The following IL17RD variants were observed in gnomAD, a reference collection of about 807,000 sequenced individuals.
The protein encoded by IL17RD is interleukin-17 receptor D.
In IL17RD, 52 loss-of-function variants were observed where a neutral mutation model predicts 80.5. That is an observed-to-expected ratio of 0.65 (90% CI 0.52 to 0.81). The LOEUF is 0.81. Ranked by LOEUF, IL17RD falls within the 40% of genes least tolerant of loss-of-function variation. The pLI, the probability that IL17RD is intolerant of heterozygous loss-of-function variation, is 0.00. For synonymous variants in IL17RD, 416 were observed against 391.8 expected (o/e 1.06, Z -0.73); for missense variants, 1,024 against 955.1 (o/e 1.07, Z -0.95).
At chr3:57,113,161 C>T (rs1707135648) in intron 3 of IL17RD, among the ~76,000 whole-genome samples, 5 of 152,222 alleles carry the variant, frequency 3.3e-5, no homozygotes, top group Admixed American at 3.3e-4. Flanking sequence ...AGAGGACAAG[C>T]AGATTTAGCC....
At chr3:57,143,368 A>G (rs552052640) in intron 1 of IL17RD, among the ~76,000 whole-genome samples, 1 of 152,274 alleles carries the variant, frequency 6.6e-6, no homozygotes, top group South Asian at 2.1e-4. Flanking sequence ...GGCTACGACA[A>G]TCTCAACAAA....
intron 1 of IL17RD, among the ~76,000 whole-genome samples, chr3:57,156,059 C>T (rs2060264998): frequency 6.6e-6 from 1 of 152,216 alleles, no homozygotes; most frequent in Admixed American, 6.5e-5. Flanking sequence ...ATGTGCCAGG[C>T]ACTGTTCTCG....
chr3:57,134,411 C>A (rs1004350519), intron 1 of IL17RD: 4 of 723,288 alleles, frequency 5.5e-6, no homozygotes, highest in Non-Finnish European at 1.0e-5. Flanking sequence ...TGCCAGGGAA[C>A]GTAACTTGGA....
At chr3:57,133,304 G>A (rs1707652507) in intron 1 of IL17RD, among the ~76,000 whole-genome samples, 1 of 152,182 alleles carries the variant, frequency 6.6e-6, no homozygotes, top group African/African-American at 2.4e-5. Context: ...CTACTATTTG[G>A]ATGGAAGCCA....
chr3:57,109,860 C>T (rs904964658), intron 4 of IL17RD, among the ~76,000 whole-genome samples: 1 of 152,240 alleles, frequency 6.6e-6, no homozygotes, highest in African/African-American at 2.4e-5. Context: ...ACAATGCGGT[C>T]TGTTTTTTGG....
chr3:57,153,533 T>C (rs1302509972), intron 1 of IL17RD, among the ~76,000 whole-genome samples: 1 of 152,196 alleles, frequency 6.6e-6, no homozygotes, highest in Non-Finnish European at 1.5e-5. Flanking sequence ...CAAAAAGCAA[T>C]GAGTGACCCT....
chr3:57,116,844 T>G (rs541635172), intron 2 of IL17RD, among the ~76,000 whole-genome samples: 13 of 149,778 alleles, frequency 8.7e-5, no homozygotes, highest in Non-Finnish European at 1.9e-4. Context: ...GAATCAGAGG[T>G]ATTCAGCCTG....
At chr3:57,100,063 T>C (rs1362581810) in intron 11 of IL17RD, among the ~76,000 whole-genome samples, 1 of 152,236 alleles carries the variant, frequency 6.6e-6, no homozygotes, top group Non-Finnish European at 1.5e-5. Context: ...TTTATCATCC[T>C]TTTCTAGTTC....
chr3:57,118,629 C>A (rs1034612374), intron 2 of IL17RD, among the ~76,000 whole-genome samples: 2 of 152,012 alleles, frequency 1.3e-5, no homozygotes, highest in Non-Finnish European at 2.9e-5. Flanking sequence ...AGAAAAAGCA[C>A]CCCCCACATG....
intron 1 of IL17RD, among the ~76,000 whole-genome samples, chr3:57,142,936 ATC>A (rs1707858106): frequency 2.0e-5 from 3 of 152,202 alleles, no homozygotes; most frequent in Admixed American, 2.0e-4. Context: ...GATTTAAATA[ATC>A]TGTTATAAAG....
chr3:57,154,308 ACAC>A (rs904908991), intron 1 of IL17RD, among the ~76,000 whole-genome samples: 1 of 150,084 alleles, frequency 6.7e-6, no homozygotes, highest in African/African-American at 2.4e-5. Flanking sequence ...ACACATACAT[ACAC>A]GTCATAAATC....
At chr3:57,100,746 G>A (rs1365804394) in intron 11 of IL17RD, among the ~76,000 whole-genome samples, 1 of 152,124 alleles carries the variant, frequency 6.6e-6, no homozygotes, top group Non-Finnish European at 1.5e-5. Flanking sequence ...CTTCTCAGCA[G>A]AACTCCTCCA....
intron 10 of IL17RD, 131 bp downstream of exon 10, chr3:57,102,348 T>A (rs1378975838): frequency 4.6e-6 from 2 of 432,440 alleles, no homozygotes; most frequent in African/African-American, 4.0e-5. Flanking sequence ...TTCTGGGAAC[T>A]GAATAGTAGG....
chr3:57,137,579 T>C (rs1707753452), intron 1 of IL17RD, among the ~76,000 whole-genome samples: 1 of 152,200 alleles, frequency 6.6e-6, no homozygotes, highest in Non-Finnish European at 1.5e-5. Flanking sequence ...GTGACACTTA[T>C]AAAACAGAAG....
At chr3:57,108,078 G>C (rs984071175) in intron 5 of IL17RD, among the ~76,000 whole-genome samples, 1 of 142,550 alleles carries the variant, frequency 7.0e-6, no homozygotes, top group African/African-American at 2.6e-5. Flanking sequence ...TTTTCTTTTT[G>C]AGATGGAGTC....
At chr3:57,166,296 C>G (rs1341716642), upstream of IL17RD, among the ~76,000 whole-genome samples, 2 of 152,156 alleles carry the variant, frequency 1.3e-5, no homozygotes. Flanking sequence ...GACTTTGTCC[C>G]CGTGTCCGAT....
chr3:57,146,611 G>A (rs962955736), intron 1 of IL17RD, among the ~76,000 whole-genome samples: 3 of 151,628 alleles, frequency 2.0e-5, no homozygotes, highest in African/African-American at 7.3e-5. Context: ...TTAGCTGAGC[G>A]TGATGGTGCA....
intron 2 of IL17RD, among the ~76,000 whole-genome samples, chr3:57,116,409 G>A (rs1003946804): frequency 1.3e-5 from 2 of 150,352 alleles, no homozygotes; most frequent in African/African-American, 2.5e-5. Context: ...TCAGCCTCCC[G>A]AGTAGCTGGG....
At chr3:57,096,527 G>A in intron 12 of IL17RD, 22 bp from the exon 13 acceptor site, 1 of 1,473,702 alleles carries the variant, frequency 6.8e-7, no homozygotes, top group Non-Finnish European at 9.5e-7. Flanking sequence ...AGAGAGTACA[G>A]AGTCACACTG....
Sources: gnomAD v4.1 joint callset for allele counts (sites outside exome capture counted in the v4.1 genomes callset) on GRCh38, gnomAD v4.1.1 for gene constraint, MANE v1.5 for transcripts, NCBI Gene and HGNC (gene_info 2026-07-23, HGNC 2026-07-21) for gene names.